The following BCL9L variants were observed in gnomAD, a reference collection of about 807,000 sequenced individuals.
BCL9L encodes BCL9 like, also known as B-cell CLL/lymphoma 9-like protein.
BCL9L carries 19 observed loss-of-function variants against 99.4 expected under a neutral mutation model. That is an observed-to-expected ratio of 0.19 (90% confidence interval 0.13 to 0.28). The LOEUF (loss-of-function observed/expected upper bound fraction) is 0.28. BCL9L is among the 10% of genes least tolerant of loss of function. BCL9L has a pLI of 1.00. For synonymous variants in BCL9L, 900 were observed against 854.8 expected (o/e 1.05, Z -0.92); for missense variants, 2,023 against 2,101.6 (o/e 0.96, Z 0.73).
intron 2 of BCL9L, among the ~76,000 whole-genome samples, chr11:118,913,819 A>T (rs1940882430): frequency 2.0e-5 from 3 of 152,042 alleles, no homozygotes; most frequent in Admixed American, 2.0e-4. Flanking sequence ...CCCAGACCCT[A>T]CCTGGGGAGG....
chr11:118,908,646 G>A lies in BCL9L; in HGVS notation c.36C>T (p.His12=). 6.2e-7 allele frequency: 1 copy of A among 1,609,870 alleles called. No individual in the cohort carries two copies. Among genetic ancestry groups the A allele is most frequent in the Non-Finnish European group, 8.5e-7 (1 of 1,178,124 alleles). ...RILANKTRLP[H]PRRREAPGSP... ...TCCCTGGAGCTTCTCTCCTCCTGGG[G>A]TGGGGTAACCTGGGAGGAGGTGGGA... Residue 12 remains histidine (H), a synonymous_variant, in exon 4 of 10, where the codon CAC becomes CAT. Coordinates refer to ENST00000683865, the MANE Select transcript of BCL9L (RefSeq NM_001378213.1).
chr11:118,899,638 G>T, intron 9 of BCL9L, 130 bp from the exon 10 acceptor site: 1 of 1,266,342 alleles, frequency 7.9e-7, no homozygotes, highest in Non-Finnish European at 1.1e-6. Flanking sequence ...GCTTCCCCTG[G>T]CTGGGAGGGA....
rs188738627 is a variant in BCL9L at position 118,901,822 on chromosome 11, C to T, written c.1921G>A (p.Glu641Lys). Residue 641 changes from glutamate to lysine, a missense_variant, in exon 8 of 10, where the codon GAA (glutamate) becomes AAA (lysine). Glu to Lys is a moderately conservative substitution (Grantham distance 56, BLOSUM62 1). Around this residue, in one of 3 missense-constraint regions of BCL9L, gnomAD observed 1,116 missense variants for 1,194.6 expected, o/e 0.93. Transcript: ENST00000683865. This position sits in a 1 kb window ranked among gnomAD's most constrained non-coding sequence, Gnocchi z 6.6. ...RPVRPGMGWT[E>K]DLPPMGGPSN... ...GGTCCCCCCATAGGGGGCAAGTCTTCGGTCCAGCCCATGCCTGGTCTCACG... is the reference window on the plus strand; with the variant it reads ...GGTCCCCCCATAGGGGGCAAGTCTTTGGTCCAGCCCATGCCTGGTCTCACG... 13 of 1,609,646 alleles carry T rather than the reference C, an allele frequency of 8.1e-6. No individual in the cohort carries two copies. The highest frequency in any genetic ancestry group is 2.7e-5 in the African/African-American group (2 of 74,976).
Position 118,898,430 on chromosome 11 carries a change from G to A in BCL9L, c.4485C>T (p.Ala1495=), listed in dbSNP as rs201341140. 3 of 1,604,474 alleles carry A rather than the reference G, an allele frequency of 1.9e-6. No individual in the cohort carries two copies. Among genetic ancestry groups the A allele is most frequent in the East Asian group, 2.2e-5 (1 of 44,558 alleles). The part of the protein sequence containing the change: ...MGYLPAPGGM[A]NLPF ...GCAGCGACTTCTAGAAGGGCAGGTT[G>A]GCCATGCCGCCTGGTGCCGGGAGGT... The change falls in exon 10 of 10, where the codon GCC becomes GCT. Residue 1495 remains alanine (A), a synonymous_variant. Coordinates refer to ENST00000683865, the MANE Select transcript of BCL9L (RefSeq NM_001378213.1).
In BCL9L at chr11:118,903,503, G is replaced by A; in HGVS notation, c.533-51C>T. On this transcript the variant is annotated intron_variant, in intron 5 of 9. Transcript: ENST00000683865. The surrounding 1 kb of genome is among the most constrained non-coding windows in gnomAD (Gnocchi z 5.6). Reference sequence around the variant, plus strand: ...GGCTAAGTGGTCTAGATACAAGAAGGACCAGCTGATGCCCCCTCCCACTGA... The same window carrying A: ...GGCTAAGTGGTCTAGATACAAGAAGAACCAGCTGATGCCCCCTCCCACTGA... 5 of 1,582,968 alleles carry A rather than the reference G, an allele frequency of 3.2e-6. No individual in the cohort carries two copies. The highest frequency in any genetic ancestry group is 3.5e-6 in the Non-Finnish European group (4 of 1,156,798).
At position 118,898,257 on chromosome 11, in the gene BCL9L, G is replaced by C. The variant is rs914876386; in HGVS notation, c.*158C>G. 5 of 1,039,666 alleles carry C rather than the reference G, an allele frequency of 4.8e-6. No individual in the cohort carries two copies. The East Asian group carries it at 1.1e-4, about 22-fold the overall frequency. The allele number at this position is 1,039,666 out of a possible 1,614,324, so 64.4% of individuals were successfully genotyped here. On this transcript the variant is annotated 3_prime_UTR_variant, in exon 10 of 10. Transcript: ENST00000683865. Reference sequence around the variant, plus strand: ...ACTGCCACTTCCCCCTAAGCTGCCAGCACATCTGGTTTCCACAAATGCCAC... The same window carrying C: ...ACTGCCACTTCCCCCTAAGCTGCCACCACATCTGGTTTCCACAAATGCCAC...
At position 118,916,801 on chromosome 11, in the gene BCL9L, A is replaced by T. The variant is rs1319363871; in HGVS notation, c.-77+2025T>A. Among the ~76,000 whole-genome samples, 3 of 152,190 alleles carry T rather than the reference A, an allele frequency of 2.0e-5. No individual in the cohort carries two copies. In the East Asian group the frequency reaches 5.8e-4, roughly 29 times the overall value. Reference sequence around the variant, plus strand: ...TCCAGGGCCCTGAGGTGTTCCTAACAGCTGCCATCCAGGTCACAGCTCCAC... The same window carrying T: ...TCCAGGGCCCTGAGGTGTTCCTAACTGCTGCCATCCAGGTCACAGCTCCAC... On this transcript the variant is annotated intron_variant, in intron 2 of 9. Transcript: ENST00000683865.
Position 118,903,858 on chromosome 11 carries a change from C to T in BCL9L, c.533-406G>A, listed in dbSNP as rs557234900. ...CGGGACTCTGAAGCTCCGCTCTGAG[C>T]TGCTGCCCCTCTCACTGGGTAAGTG... On this transcript the variant is annotated intron_variant, in intron 5 of 9. Transcript: ENST00000683865. This position sits in a 1 kb window ranked among gnomAD's most constrained non-coding sequence, Gnocchi z 5.6. 1.3e-5 allele frequency among the ~76,000 whole-genome samples: 2 copies of T among 152,352 alleles called. No homozygotes were observed. Among genetic ancestry groups the T allele is most frequent in the South Asian group, 2.1e-4 (1 of 4,830 alleles).
chr11:118,922,840 T>C lies in BCL9L; in HGVS notation c.-131+2398A>G, dbSNP rs1363341823. Among the ~76,000 whole-genome samples the C allele has an allele frequency of 6.6e-6, 1 of 152,082 alleles. No homozygotes were observed. Among genetic ancestry groups the C allele is most frequent in the African/African-American group, 2.4e-5 (1 of 41,412 alleles). ...CAAGGAGCCCCAGAAACAGCCAGCA[T>C]GGCAGCAGGACCACAAGAACCCCAA... On this transcript the variant is annotated intron_variant, in intron 1 of 9. Transcript: ENST00000683865. This position sits in a 1 kb window ranked among gnomAD's most constrained non-coding sequence, Gnocchi z 6.2.
chr11:118,907,594 G>GCGC lies in BCL9L; in HGVS notation c.418_420dup (p.Ala140dup). The stretch of plus-strand genomic sequence containing the variant: ...AGCACACAGCGCCGCTTACTCCGCG[G>GCGC]CGCCACCTCTGCCCAGGCAGGACGG... On this transcript the variant is annotated inframe_insertion, in exon 5 of 10. Transcript: ENST00000683865. 2 of 1,613,018 alleles carry GCGC rather than the reference G, an allele frequency of 1.2e-6. No homozygotes were observed. Among genetic ancestry groups the GCGC allele is most frequent in the Non-Finnish European group, 1.7e-6 (2 of 1,180,022 alleles).
At chr11:118,917,794 G>A (rs1355201297) in intron 2 of BCL9L, among the ~76,000 whole-genome samples, 3 of 152,124 alleles carry the variant, frequency 2.0e-5, no homozygotes, top group South Asian at 2.1e-4. Context: ...ACTCCAGTCC[G>A]TTACTTCCTC....
At chr11:118,908,197 G>A (rs996320190) in intron 4 of BCL9L, 73 bp downstream of exon 4, 1 of 1,499,164 alleles carries the variant, frequency 6.7e-7, no homozygotes, top group Non-Finnish European at 8.9e-7. Context: ...GGAGCAGAGA[G>A]GTGATCTCCC....
At chr11:118,906,659 CTTCT>C (rs1456114162) in intron 5 of BCL9L, among the ~76,000 whole-genome samples, 1 of 151,932 alleles carries the variant, frequency 6.6e-6, no homozygotes, top group African/African-American at 2.4e-5. Context: ...GTTTCTTTTT[CTTCT>C]TTCTTTACTT....
Position 118,902,310 on chromosome 11 carries a change from C to T in BCL9L, c.1433G>A (p.Ser478Asn). 6.4e-7 allele frequency: 1 copy of T among 1,563,258 alleles called. No homozygotes were observed. The highest frequency in any genetic ancestry group is 1.2e-5 in the South Asian group (1 of 82,650). Reference protein sequence around the residue: ...PLQSMISQTQSLGGPPLEHEV... With the variant: ...PLQSMISQTQNLGGPPLEHEV... ...ATGCTCCAGCGGGGGGCCCCCTAGG[C>T]TCTGTGTCTGTGAAATCATGGACTG... is the stretch of plus-strand genomic sequence containing the variant. Residue 478 changes from serine to asparagine, a missense_variant, in exon 8 of 10, where the codon AGC (serine) becomes AAC (asparagine). Ser to Asn is a conservative substitution (Grantham distance 46). Transcript: ENST00000683865. The surrounding 1 kb of genome is among the most constrained non-coding windows in gnomAD (Gnocchi z 7.8).
Position 118,900,574 on chromosome 11 carries a change from G to GCGCC in BCL9L, c.3124+41_3124+44dup. On this transcript the variant is annotated intron_variant, in intron 8 of 9. Coordinates refer to ENST00000683865, the MANE Select transcript of BCL9L (RefSeq NM_001378213.1). The surrounding 1 kb of genome is among the most constrained non-coding windows in gnomAD (Gnocchi z 5.3). ...AGCCCCAGCATGGACACACTGCTCA[G>GCGCC]CGCCTGCCTGCCTGCCTGCCTGCCT... The GCGCC allele has an allele frequency of 6.4e-7, 1 of 1,554,500 alleles. No individual in the cohort carries two copies. The highest frequency in any genetic ancestry group is 1.7e-5 in the Admixed American group (1 of 57,336).
intron 4 of BCL9L, 56 bp downstream of exon 4, chr11:118,908,214 T>C (rs1029145042): frequency 6.6e-7 from 1 of 1,508,768 alleles, no homozygotes; most frequent in African/African-American, 1.4e-5. Context: ...TCCCAGAACA[T>C]CTGAGCCTTG....
In BCL9L at chr11:118,903,221, C is replaced by G. The variant is rs1349514931; in HGVS notation, c.749+15G>C. On this transcript the variant is annotated intron_variant, in intron 6 of 9. Coordinates refer to ENST00000683865, the MANE Select transcript of BCL9L (RefSeq NM_001378213.1). The surrounding 1 kb of genome is among the most constrained non-coding windows in gnomAD (Gnocchi z 5.6). ...AGAGAGAGAGAGAGACTTGGCCTGC[C>G]CACCAGGCACTTACGTGTTGGCCAG... 1.3e-6 allele frequency: 2 copies of G among 1,591,626 alleles called. No homozygotes were observed.
chr11:118,901,394 G>A lies in BCL9L; in HGVS notation c.2349C>T (p.Asn783=), dbSNP rs1565615917. The A allele has an allele frequency of 3.7e-6, 6 of 1,613,644 alleles. No homozygotes were observed. The African/African-American group carries it at 4.0e-5, about 11-fold the overall frequency. The change falls in exon 8 of 10, where the codon AAC becomes AAT. Residue 783 remains asparagine, a synonymous_variant. Transcript: ENST00000683865. The surrounding 1 kb of genome is among the most constrained non-coding windows in gnomAD (Gnocchi z 6.6). ...NMNVNMNMNM[N]LNVQMTPQQQ... ...GCTGCGGGGTCATCTGCACGTTCAG[G>A]TTCATGTTCATGTTCATGTTGACAT... is the stretch of plus-strand genomic sequence containing the variant.
intron 5 of BCL9L, among the ~76,000 whole-genome samples, chr11:118,905,580 G>A (rs1940480460): frequency 6.7e-6 from 1 of 150,028 alleles, no homozygotes; most frequent in East Asian, 2.0e-4. Context: ...ACTTTGGGGG[G>A]CTGAGGCAGG....
Sources: gnomAD v4.1 joint callset for allele counts (sites outside exome capture counted in the v4.1 genomes callset) on GRCh38, gnomAD v4.1.1 for gene constraint, gnomAD v4.1.1 regional missense constraint, Gnocchi (gnomAD v3.1) non-coding constraint, MANE v1.5 for transcripts, NCBI Gene and HGNC (gene_info 2026-07-23, HGNC 2026-07-21) for gene names.